ATP10B: variants seen among roughly 807,000 people sequenced by gnomAD.
ATP10B encodes the protein ATPase phospholipid transporting 10B (putative).
A neutral mutation model predicts 141.2 loss-of-function variants in ATP10B; 122 were observed. That is an observed-to-expected ratio of 0.86 (90% CI 0.75 to 1.00). The LOEUF (loss-of-function observed/expected upper bound fraction) is 1.00, where lower values mean the gene tolerates loss of function less well. Ranked by LOEUF, ATP10B falls within the 50% of genes least tolerant of loss-of-function variation. ATP10B has a pLI of 0.00. For missense variants in ATP10B, 1,876 were observed against 1,825.3 expected, an observed-to-expected ratio of 1.03 and a Z score of -0.51; for synonymous variants, 685 against 692.0, an observed-to-expected ratio of 0.99 and a Z score of 0.16.
chr5:160,843,799 C>T (rs1277683230), intron 1 of ATP10B, among the ~76,000 whole-genome samples: 1 of 152,012 alleles, frequency 6.6e-6, no homozygotes, highest in Non-Finnish European at 1.5e-5. Context: ...CAAAACAATG[C>T]AGGGGTGTGA....
chr5:160,601,470 T>C (rs1240395291), intron 21 of ATP10B, among the ~76,000 whole-genome samples: 1 of 152,220 alleles, frequency 6.6e-6, no homozygotes, highest in East Asian at 1.9e-4. Flanking sequence ...TTCCCTCCAT[T>C]AGCCTAGCAC....
At chr5:160,597,123 C>G (rs144996441) in intron 22 of ATP10B, among the ~76,000 whole-genome samples, 2,372 of 152,288 alleles carry the variant, frequency 0.016, 28 homozygotes, top group Middle Eastern at 0.075. Context: ...CTGGAGGCAC[C>G]ACACTACCTG....
At chr5:160,692,403 C>T (rs4562080) in intron 3 of ATP10B, among the ~76,000 whole-genome samples, 39,143 of 151,948 alleles carry the variant, frequency 0.26, 6,299 homozygotes, top group East Asian at 0.69. Context: ...CCTCACAGGG[C>T]TAACAAGAAT....
chr5:160,722,965 C>T (rs1022222925), intron 2 of ATP10B, among the ~76,000 whole-genome samples: 3 of 152,212 alleles, frequency 2.0e-5, no homozygotes, highest in Non-Finnish European at 2.9e-5. Flanking sequence ...CATGGAATCT[C>T]AGACCTTTCA....
At chr5:160,876,636 T>C in the ATP10B span, among the ~76,000 whole-genome samples, 1,061 of 151,920 alleles carry the variant, frequency 7.0e-3, 15 homozygotes, top group African/African-American at 0.024. Context: ...GATAGACTGC[T>C]AGCAAGACTA....
upstream of ATP10B, among the ~76,000 whole-genome samples, chr5:160,856,696 A>G (rs1036420942): frequency 6.6e-6 from 1 of 151,776 alleles, no homozygotes; most frequent in Non-Finnish European, 1.5e-5. Flanking sequence ...TTGTATGTAG[A>G]TGATTTGAGT....
intron 2 of ATP10B, among the ~76,000 whole-genome samples, chr5:160,761,830 A>T (rs571927639): frequency 6.6e-5 from 10 of 152,232 alleles, no homozygotes; most frequent in South Asian, 4.1e-4. Context: ...TAAAAAATTT[A>T]AAAAAATGTA....
chr5:160,859,892 G>T, the ATP10B span, among the ~76,000 whole-genome samples: 1 of 151,870 alleles, frequency 6.6e-6, no homozygotes, highest in Non-Finnish European at 1.5e-5. Flanking sequence ...CTGGATATTT[G>T]CACGAACACA....
chr5:160,921,489 T>G, the ATP10B span, among the ~76,000 whole-genome samples: 1 of 152,224 alleles, frequency 6.6e-6, no homozygotes, highest in East Asian at 1.9e-4. Context: ...TCTGAAACTT[T>G]GCACTCAATA....
the ATP10B span, among the ~76,000 whole-genome samples, chr5:160,872,074 T>G: frequency 1.3e-5 from 2 of 152,124 alleles, no homozygotes; most frequent in East Asian, 1.9e-4. Context: ...GATTCTTGAA[T>G]TATGGCCATT....
intron 7 of ATP10B, among the ~76,000 whole-genome samples, chr5:160,659,340 C>G (rs1315486397): frequency 2.0e-5 from 3 of 152,012 alleles, no homozygotes; most frequent in Non-Finnish European, 1.5e-5. Flanking sequence ...TAGTGGGCAC[C>G]TGTAATCCCA....
At chr5:160,640,775 G>T (rs1419503944) in intron 9 of ATP10B, among the ~76,000 whole-genome samples, 183 bp from the exon 10 acceptor site, 5 of 152,170 alleles carry the variant, frequency 3.3e-5, no homozygotes, top group Admixed American at 6.5e-5. Flanking sequence ...TTACCAGCAG[G>T]CACTCAGTGA....
At chr5:160,622,637 C>T in intron 13 of ATP10B, 52 bp from the exon 14 acceptor site, 2 of 1,507,986 alleles carry the variant, frequency 1.3e-6, no homozygotes, top group African/African-American at 2.8e-5. Context: ...AAGCCCACTC[C>T]AGAAGAATCT....
At chr5:160,914,142 T>C in the ATP10B span, among the ~76,000 whole-genome samples, 1 of 152,248 alleles carries the variant, frequency 6.6e-6, no homozygotes, top group African/African-American at 2.4e-5. Flanking sequence ...TATATATGTA[T>C]ATTTATGGAA....
rs761101536 is a variant in ATP10B, at chr5:160,565,612, C to T, written c.4227G>A (p.Arg1409=). The change falls in exon 26 of 26, where the codon AGG becomes AGA. Residue 1409 remains arginine, a synonymous_variant. Coordinates refer to ENST00000327245, the MANE Select transcript of ATP10B (RefSeq NM_025153.3). ...HEQRCGTECM[R]DDSCSGDSSA... is the part of the protein sequence containing the mutation. Reference sequence around the variant, plus strand: ...AGGAGTCCCCTGAGCATGAGTCATCCCTCATGCACTCCGTGCCACATCTCT... The same window carrying T: ...AGGAGTCCCCTGAGCATGAGTCATCTCTCATGCACTCCGTGCCACATCTCT... The T allele has an allele frequency of 3.1e-6, 5 of 1,613,988 alleles. No individual in the cohort carries two copies. In the South Asian group the frequency reaches 3.3e-5, roughly 11 times the overall value.
the ATP10B span, among the ~76,000 whole-genome samples, chr5:160,870,399 GAACA>G: frequency 6.7e-5 from 10 of 149,150 alleles, no homozygotes; most frequent in Admixed American, 4.7e-4. Context: ...TAAAAGGCAA[GAACA>G]AACAATAAAA....
chr5:160,644,903 G>T (rs758607576), intron 8 of ATP10B, among the ~76,000 whole-genome samples: 7 of 152,074 alleles, frequency 4.6e-5, no homozygotes, highest in Non-Finnish European at 7.4e-5. Context: ...GGATCATGAG[G>T]TCAGGAGTTC....
chr5:160,818,679 G>A (rs1479182725), intron 1 of ATP10B, among the ~76,000 whole-genome samples: 15 of 152,144 alleles, frequency 9.9e-5, no homozygotes, highest in Admixed American at 9.8e-4. Context: ...AAATCATGCT[G>A]CTATAAAGAC....
chr5:160,634,155 T>C (rs1759161262), intron 12 of ATP10B, 199 bp downstream of exon 12: 1 of 813,192 alleles, frequency 1.2e-6, no homozygotes, highest in East Asian at 2.5e-5. Context: ...CTAACCTTTG[T>C]AAACAAATGA....
Sources: allele counts gnomAD v4.1 joint callset (sites outside exome capture counted in the v4.1 genomes callset), GRCh38; gene constraint gnomAD v4.1.1; transcripts MANE v1.5; gene names NCBI Gene and HGNC (gene_info 2026-07-23, HGNC 2026-07-21).